Variants in MACROD2 observed in about 807,000 individuals in gnomAD.
The protein encoded by MACROD2 is ADP-ribose glycohydrolase MACROD2.
MACROD2 carries 36 observed loss-of-function variants against 70.4 expected under a neutral mutation model. The observed-to-expected ratio is 0.51, with a 90% CI of 0.39 to 0.68. The LOEUF (loss-of-function observed/expected upper bound fraction) is 0.68. Ranked by LOEUF, MACROD2 falls within the 30% of genes least tolerant of loss-of-function variation. The pLI, the probability that MACROD2 is intolerant of heterozygous loss-of-function variation, is 0.00. For missense variants in MACROD2, 496 were observed against 538.4 expected (o/e 0.92, Z 0.78); for synonymous variants, 172 against 178.8 (o/e 0.96, Z 0.30).
At chr20:15,328,764 C>T (rs909033501) in intron 6 of MACROD2, among the ~76,000 whole-genome samples, 1 of 152,014 alleles carries the variant, frequency 6.6e-6, no homozygotes, top group East Asian at 1.9e-4. Context: ...CTGAATGTAT[C>T]GAAACCCTTA....
intron 8 of MACROD2, among the ~76,000 whole-genome samples, chr20:15,641,773 T>A (rs1600703794): frequency 6.6e-6 from 1 of 152,324 alleles, no homozygotes. Flanking sequence ...TATTATAATT[T>A]TTTTATACTG....
rs1328119985 is a variant in MACROD2 at position 15,233,960 on chromosome 20, AATTTATTTTTATATAT to A, written c.540+3908_540+3923del. On this transcript the variant is annotated intron_variant, in intron 6 of 17. Coordinates refer to ENST00000684519, the MANE Select transcript of MACROD2 (RefSeq NM_001351661.2). ...CCATGAGTTACCCTTGGATCCAAAA[AATTTATTTTTATATAT>A]ATTTATTTATATATATATATATATA... is the stretch of plus-strand genomic sequence containing the variant. Among the ~76,000 whole-genome samples, 306 of 88,872 alleles carry A rather than the reference AATTTATTTTTATATAT, an allele frequency of 3.4e-3. 3 individuals are homozygous for A. Among genetic ancestry groups the A allele is most frequent in the Non-Finnish European group, 4.5e-3 (208 of 45,842 alleles). The allele number at this position is 88,872 out of a possible 152,430, so 58.3% of individuals were successfully genotyped here.
intron 5 of MACROD2, among the ~76,000 whole-genome samples, chr20:14,723,145 T>A (rs2071489352): frequency 6.6e-6 from 1 of 152,186 alleles, no homozygotes. Context: ...AAATATGTAT[T>A]TTGTGCTATC....
chr20:14,640,409 A>G (rs1189390117), intron 4 of MACROD2, among the ~76,000 whole-genome samples: 1 of 152,146 alleles, frequency 6.6e-6, no homozygotes, highest in African/African-American at 2.4e-5. Flanking sequence ...AGTGAAAAGG[A>G]TATTTTTTTT....
intron 8 of MACROD2, among the ~76,000 whole-genome samples, chr20:15,759,301 A>G (rs2051400379): frequency 6.6e-6 from 1 of 152,178 alleles, no homozygotes; most frequent in Non-Finnish European, 1.5e-5. Context: ...AAGAAAAAAG[A>G]CAATATAGTA....
In MACROD2 at chr20:16,052,445, G is replaced by A. The variant is rs1245311788; in HGVS notation, c.*2569G>A. ...CAGCTATGTGGCATGAAGAGTTACAGGAGGGAGGGAGGAAAATAGCCCTAT... is the reference window on the plus strand; with the variant it reads ...CAGCTATGTGGCATGAAGAGTTACAAGAGGGAGGGAGGAAAATAGCCCTAT... On this transcript the variant is annotated 3_prime_UTR_variant, in exon 18 of 18. Transcript: ENST00000684519. 6.6e-6 allele frequency: 1 copy of A among 152,222 alleles called. No homozygotes were observed. Among genetic ancestry groups the A allele is most frequent in the African/African-American group, 2.4e-5 (1 of 41,438 alleles). 9.4% of individuals were successfully genotyped at this position (152,222 alleles called of 1,614,324 possible).
chr20:15,513,821 A>G (rs994036800), intron 8 of MACROD2, among the ~76,000 whole-genome samples: 3 of 152,232 alleles, frequency 2.0e-5, no homozygotes, highest in Admixed American at 2.0e-4. Flanking sequence ...AAATACAGTC[A>G]TGTGCCACAT....
At chr20:15,318,847 A>G (rs1021704279) in intron 6 of MACROD2, among the ~76,000 whole-genome samples, 2 of 152,166 alleles carry the variant, frequency 1.3e-5, no homozygotes, top group African/African-American at 4.8e-5. Flanking sequence ...AAACCTGATG[A>G]TTAATACCAT....
intron 3 of MACROD2, among the ~76,000 whole-genome samples, chr20:14,239,191 G>T (rs916868463): frequency 5.9e-5 from 9 of 152,084 alleles, no homozygotes; most frequent in African/African-American, 2.2e-4. Context: ...TCTACAGTGA[G>T]AATTACAAAA....
intron 2 of MACROD2, among the ~76,000 whole-genome samples, chr20:14,074,945 C>T (rs933984729): frequency 1.3e-5 from 2 of 152,120 alleles, no homozygotes; most frequent in African/African-American, 2.4e-5. Flanking sequence ...CATCCTTTTT[C>T]AGTGTATCCA....
chr20:14,738,082 CAA>C (rs1163227634), intron 5 of MACROD2, among the ~76,000 whole-genome samples: 1 of 60,832 alleles, frequency 1.6e-5, no homozygotes, highest in Non-Finnish European at 3.1e-5. Context: ...CATATTCTAT[CAA>C]GTGTTTTTTT....
intron 8 of MACROD2, among the ~76,000 whole-genome samples, chr20:15,632,916 CCCTTCCTCCCCTTCTTTCTT>C (rs1213991145): frequency 4.0e-5 from 6 of 151,168 alleles, no homozygotes; most frequent in Admixed American, 2.6e-4. Context: ...CCTTCTTTCT[CCCTTCCTCCCCTTCTTTCTT>C]CCTTCCTCCC....
chr20:15,204,805 T>C (rs1024784988), intron 5 of MACROD2, among the ~76,000 whole-genome samples: 5 of 152,122 alleles, frequency 3.3e-5, no homozygotes, highest in African/African-American at 1.2e-4. Flanking sequence ...ATTTCTATAC[T>C]AGAGTGACTA....
intron 8 of MACROD2, among the ~76,000 whole-genome samples, chr20:15,579,834 G>A (rs987888136): frequency 4.6e-5 from 7 of 152,194 alleles, no homozygotes; most frequent in Non-Finnish European, 1.0e-4. Flanking sequence ...TTATAAGGAT[G>A]TTAGACCCTC....
At chr20:15,178,142 G>A (rs576847875) in intron 5 of MACROD2, among the ~76,000 whole-genome samples, 10 of 152,258 alleles carry the variant, frequency 6.6e-5, no homozygotes, top group African/African-American at 1.7e-4. Context: ...CTTAAAAGCC[G>A]AAGCAGTGAT....
At chr20:14,004,884 G>A (rs2052791948) in intron 2 of MACROD2, among the ~76,000 whole-genome samples, 1 of 152,076 alleles carries the variant, frequency 6.6e-6, no homozygotes. Context: ...CAGTATATCA[G>A]TTTTAAATTT....
intron 3 of MACROD2, among the ~76,000 whole-genome samples, chr20:14,359,024 A>C (rs2083198264): frequency 6.6e-6 from 1 of 151,970 alleles, no homozygotes; most frequent in Non-Finnish European, 1.5e-5. Context: ...TCATCTCTAC[A>C]AAAAATTTAA....
At chr20:14,047,984 A>G (rs2053503035) in intron 2 of MACROD2, among the ~76,000 whole-genome samples, 1 of 151,396 alleles carries the variant, frequency 6.6e-6, no homozygotes, top group African/African-American at 2.4e-5. Flanking sequence ...ACCCCTAACA[A>G]AGAATCTGAT....
At chr20:14,388,687 ACCT>A (rs1962375482) in intron 3 of MACROD2, among the ~76,000 whole-genome samples, 1 of 151,972 alleles carries the variant, frequency 6.6e-6, no homozygotes, top group South Asian at 2.1e-4. Context: ...GCAGCCGCAG[ACCT>A]CAATCTATGG....
Sources: allele counts gnomAD v4.1 joint callset (sites outside exome capture counted in the v4.1 genomes callset), GRCh38; gene constraint gnomAD v4.1.1; transcripts MANE v1.5; gene names NCBI Gene and HGNC (gene_info 2026-07-23, HGNC 2026-07-21).